Variants in SH3RF1 observed in about 807,000 individuals in gnomAD.
The protein encoded by SH3RF1 is SH3 domain containing ring finger 1.
SH3RF1 carries 32 observed loss-of-function variants against 74.0 expected under a neutral mutation model. That is an observed-to-expected ratio of 0.43 (90% CI 0.33 to 0.58). SH3RF1 has a LOEUF of 0.58. Ranked by LOEUF, SH3RF1 falls within the 20% of genes least tolerant of loss-of-function variation. The pLI is 0.05. For synonymous variants in SH3RF1, 396 were observed against 439.6 expected (o/e 0.90, Z 1.24); for missense variants, 954 against 1,130.9 (o/e 0.84, Z 2.24).
At chr4:169,207,843 C>T (rs931467348) in intron 2 of SH3RF1, among the ~76,000 whole-genome samples, 2 of 152,134 alleles carry the variant, frequency 1.3e-5, no homozygotes, top group Non-Finnish European at 2.9e-5. Flanking sequence ...TATACAGGTG[C>T]CACTTTCTAA....
Position 169,107,025 on chromosome 4 carries a change from G to A in SH3RF1, c.2320C>T (p.Pro774Ser). ...GGGHGRAGSC[P>S]VDGDGPVTTA... ...GTGACCGGTCCGTCCCCGTCCACAG[G>A]GCAGGAGCCTGCCCTGCCATGGCCA... is the stretch of plus-strand genomic sequence containing the variant. Residue 774 changes from proline to serine, a missense_variant, in exon 11 of 12, where the codon CCT becomes TCT. Physicochemically the swap from Pro to Ser is moderately conservative, Grantham distance 74. Coordinates refer to ENST00000284637, the MANE Select transcript of SH3RF1 (RefSeq NM_020870.4). 1 of 1,613,882 alleles carries A rather than the reference G, an allele frequency of 6.2e-7. No homozygotes were observed.
At chr4:169,261,740 A>G (rs1042367523) in intron 2 of SH3RF1, among the ~76,000 whole-genome samples, 1 of 152,150 alleles carries the variant, frequency 6.6e-6, no homozygotes, top group African/African-American at 2.4e-5. Flanking sequence ...ATTTCTATTC[A>G]ATTTTTTGTC....
intron 6 of SH3RF1, among the ~76,000 whole-genome samples, chr4:169,128,220 G>A (rs933771504): frequency 6.6e-6 from 1 of 152,224 alleles, no homozygotes. Context: ...AAGGAAAGGA[G>A]AGAGTCTCCC....
chr4:169,174,049 C>A lies in SH3RF1; in HGVS notation c.394-17370G>T, dbSNP rs548777010. Reference sequence around the variant, plus strand: ...GAATTCATACCTGAAGCAGCCCCATCCTGATAACACAATAAAAACCAATGC... The same window carrying A: ...GAATTCATACCTGAAGCAGCCCCATACTGATAACACAATAAAAACCAATGC... On this transcript the variant is annotated intron_variant, in intron 2 of 11. Transcript: ENST00000284637. 6.6e-5 allele frequency among the ~76,000 whole-genome samples: 10 copies of A among 151,828 alleles called. No individual in the cohort carries two copies. In the South Asian group the frequency reaches 1.7e-3, roughly 25 times the overall value.
intron 2 of SH3RF1, among the ~76,000 whole-genome samples, chr4:169,206,194 T>C (rs968229115): frequency 2.0e-5 from 3 of 152,248 alleles, no homozygotes; most frequent in Non-Finnish European, 2.9e-5. Context: ...ATAAAACCTA[T>C]GGAATCTTCA....
chr4:169,185,180 T>G (rs574048774), intron 2 of SH3RF1, among the ~76,000 whole-genome samples: 1 of 152,322 alleles, frequency 6.6e-6, no homozygotes, highest in East Asian at 1.9e-4. Flanking sequence ...CCCTACCACA[T>G]GCCAAGCACT....
At chr4:169,154,118 G>A (rs1257660079) in intron 4 of SH3RF1, among the ~76,000 whole-genome samples, 1 of 152,130 alleles carries the variant, frequency 6.6e-6, no homozygotes, top group Non-Finnish European at 1.5e-5. Context: ...AGTGCTTGTA[G>A]TTTCCCATTA....
chr4:169,143,278 T>C (rs978950147), intron 4 of SH3RF1, among the ~76,000 whole-genome samples: 6 of 151,940 alleles, frequency 3.9e-5, no homozygotes, highest in African/African-American at 1.5e-4. Context: ...TAGCCCAATG[T>C]ATCTACACTA....
At chr4:169,217,493 AGGGCCCAGGACAC>A (rs925970185) in intron 2 of SH3RF1, 1 of 152,358 alleles carries the variant, frequency 6.6e-6, no homozygotes, top group African/African-American at 2.4e-5. Context: ...AGTTGGCAAA[AGGGCCCAGGACAC>A]GAGTCTGGAA....
At chr4:169,121,068 A>T in intron 7 of SH3RF1, 79 bp from the exon 8 acceptor site, 1 of 1,173,600 alleles carries the variant, frequency 8.5e-7, no homozygotes, top group Non-Finnish European at 1.3e-6. Context: ...CCTTGGTACA[A>T]AGTGTTGAAC....
chr4:169,270,629 G>A (rs1334779473), intron 1 of SH3RF1: 1 of 152,316 alleles, frequency 6.6e-6, no homozygotes, highest in African/African-American at 2.4e-5. Flanking sequence ...CTGCGCCCGG[G>A]GAGACCGCGG....
chr4:169,157,594 C>A (rs60940569), intron 2 of SH3RF1, among the ~76,000 whole-genome samples: 12,187 of 152,134 alleles, frequency 0.08, 759 homozygotes, highest in East Asian at 0.18. Context: ...CCTCTCTGAG[C>A]GCTGTTGCAT....
rs1169736036 is a variant in SH3RF1 at position 169,096,070 on chromosome 4, C to G, written c.*449G>C. The G allele has an allele frequency of 6.5e-6, 1 of 153,216 alleles. No individual in the cohort carries two copies. Among genetic ancestry groups the G allele is most frequent in the African/African-American group, 2.4e-5 (1 of 41,460 alleles). The allele number at this position is 153,216 out of a possible 1,614,324, so 9.5% of individuals were successfully genotyped here. ...AGGGGAAAATGCATTCACTCTATGT[C>G]AAAACGAATCTCTTGCTCTCAACAG... is the stretch of plus-strand genomic sequence containing the variant. On this transcript the variant is annotated 3_prime_UTR_variant, in exon 12 of 12. Coordinates refer to ENST00000284637, the MANE Select transcript of SH3RF1 (RefSeq NM_020870.4).
chr4:169,130,226 T>C (rs900010445), intron 5 of SH3RF1, 70 bp from the exon 6 acceptor site: 85 of 1,080,020 alleles, frequency 7.9e-5, no homozygotes, highest in Non-Finnish European at 9.5e-5. Flanking sequence ...GGCTAAACCT[T>C]AGAAAGGCAA....
Position 169,122,211 on chromosome 4 carries a change from G to T in SH3RF1, c.1235C>A (p.Ser412Tyr). 6.2e-7 allele frequency: 1 copy of T among 1,613,254 alleles called. No homozygotes were observed. The highest frequency in any genetic ancestry group is 8.5e-7 in the Non-Finnish European group (1 of 1,179,686). Reference protein sequence around the residue: ...PPLLAATVLASTPPGATAAAA... With the variant: ...PPLLAATVLAYTPPGATAAAA... ...AGCGGCGGTGGCGCCTGGTGGTGTG[G>T]AGGCAAGGACAGTGGCAGCCAGGAG... Residue 412 changes from serine (S) to tyrosine (Y), a missense_variant, in exon 7 of 12, where the codon TCC becomes TAC. Ser to Tyr is a moderately radical substitution (Grantham distance 144, BLOSUM62 -2). Around this residue, in one of 3 missense-constraint regions of SH3RF1, gnomAD observed 854 missense variants for 962.5 expected, o/e 0.89. Coordinates refer to ENST00000284637, the MANE Select transcript of SH3RF1 (RefSeq NM_020870.4).
chr4:169,145,473 G>A (rs1254766357), intron 4 of SH3RF1, among the ~76,000 whole-genome samples: 1 of 149,998 alleles, frequency 6.7e-6, no homozygotes, highest in Non-Finnish European at 1.5e-5. Context: ...TTCACCATGT[G>A]AGTGATAGGT....
chr4:169,266,790 A>G (rs1204385421), intron 2 of SH3RF1, among the ~76,000 whole-genome samples: 2 of 152,164 alleles, frequency 1.3e-5, no homozygotes, highest in Non-Finnish European at 2.9e-5. Context: ...ACCTGGCTCG[A>G]AAAACTATTT....
intron 11 of SH3RF1, among the ~76,000 whole-genome samples, chr4:169,101,122 C>T (rs1006857730): frequency 6.6e-6 from 1 of 152,226 alleles, no homozygotes; most frequent in African/African-American, 2.4e-5. Flanking sequence ...TTCTACCAAA[C>T]CATAAGCTGC....
intron 10 of SH3RF1, among the ~76,000 whole-genome samples, chr4:169,113,077 C>T (rs1396481387): frequency 6.6e-6 from 1 of 151,608 alleles, no homozygotes; most frequent in African/African-American, 2.4e-5. Flanking sequence ...GTCAACTGAA[C>T]AGGCAAGGAA....
Sources: gnomAD v4.1 joint callset for allele counts (sites outside exome capture counted in the v4.1 genomes callset) on GRCh38, gnomAD v4.1.1 for gene constraint, gnomAD v4.1.1 regional missense constraint, MANE v1.5 for transcripts, NCBI Gene and HGNC (gene_info 2026-07-23, HGNC 2026-07-21) for gene names.